Variants in ADGRL3 observed in about 807,000 individuals in gnomAD.
ADGRL3 encodes the protein adhesion G protein-coupled receptor L3.
A neutral mutation model predicts 153.5 loss-of-function variants in ADGRL3; 62 were observed. The ratio of observed to expected loss-of-function variants is 0.40; its 90% CI spans 0.33 to 0.50. The LOEUF (loss-of-function observed/expected upper bound fraction) is 0.50, where lower values mean the gene tolerates loss of function less well. Among genes scored for constraint, ADGRL3 ranks in the 20% least tolerant of loss-of-function variants. The pLI is 0.47. For missense variants in ADGRL3, 1,641 were observed against 1,859.4 expected, an observed-to-expected ratio of 0.88 and a Z score of 2.16; for synonymous variants, 710 against 672.5, an observed-to-expected ratio of 1.06 and a Z score of -0.86.
At chr4:61,600,307 C>CAAAAAAAAAAAA (rs60557691) in intron 5 of ADGRL3, among the ~76,000 whole-genome samples, 5 of 61,764 alleles carry the variant, frequency 8.1e-5, no homozygotes, top group Middle Eastern at 0.016. Context: ...GGCTGCCTTG[C>CAAAAAAAAAAAA]AAAAAAAAAA....
At chr4:61,398,695 A>ACT (rs1214024783) in intron 2 of ADGRL3, among the ~76,000 whole-genome samples, 1 of 145,428 alleles carries the variant, frequency 6.9e-6, no homozygotes, top group African/African-American at 2.5e-5. Flanking sequence ...AATGTCTTTC[A>ACT]CTCTCTCTCT....
At chr4:61,379,046 T>C (rs1208932753) in intron 1 of ADGRL3, among the ~76,000 whole-genome samples, 1 of 151,988 alleles carries the variant, frequency 6.6e-6, no homozygotes, top group Non-Finnish European at 1.5e-5. Context: ...TACACAGTGA[T>C]GAGGATTATG....
chr4:61,432,614 CTT>C (rs1560622953), intron 2 of ADGRL3, among the ~76,000 whole-genome samples: 1 of 70,714 alleles, frequency 1.4e-5, no homozygotes. Flanking sequence ...TTCTTTCTTT[CTT>C]TCTTTCTTTC....
At chr4:61,288,508 G>T (rs1429126962) in intron 1 of ADGRL3, among the ~76,000 whole-genome samples, 1 of 151,934 alleles carries the variant, frequency 6.6e-6, no homozygotes, top group Non-Finnish European at 1.5e-5. Flanking sequence ...AACACTCAAA[G>T]ATAGAATATA....
chr4:62,037,999 G>T, intron 24 of ADGRL3, 143 bp downstream of exon 24: 1 of 864,452 alleles, frequency 1.2e-6, no homozygotes, highest in Non-Finnish European at 1.7e-6. Context: ...GAATGATTCT[G>T]ACAGAAATGG....
chr4:61,220,678 T>G (rs1312514353), intron 1 of ADGRL3, among the ~76,000 whole-genome samples: 2 of 152,222 alleles, frequency 1.3e-5, no homozygotes, highest in Non-Finnish European at 2.9e-5. Context: ...AGATTGACAT[T>G]GCATTTTATA....
At chr4:61,403,214 T>C (rs531261644) in intron 2 of ADGRL3, among the ~76,000 whole-genome samples, 29 of 152,210 alleles carry the variant, frequency 1.9e-4, no homozygotes, top group Admixed American at 3.3e-4. Context: ...TTAGAATCTC[T>C]GAAGTGGCAA....
At chr4:61,874,884 C>G (rs892316849) in intron 9 of ADGRL3, among the ~76,000 whole-genome samples, 3 of 141,334 alleles carry the variant, frequency 2.1e-5, no homozygotes, top group Non-Finnish European at 4.5e-5. Context: ...TCTCGGCTCA[C>G]TGCAAGCTCC....
intron 8 of ADGRL3, among the ~76,000 whole-genome samples, chr4:61,773,299 A>G (rs1160113501): frequency 6.6e-6 from 1 of 152,232 alleles, no homozygotes; most frequent in Non-Finnish European, 1.5e-5. Flanking sequence ...GTAATATACT[A>G]AATCAAATAT....
At chr4:61,647,158 C>T (rs2094042771) in intron 5 of ADGRL3, among the ~76,000 whole-genome samples, 1 of 152,120 alleles carries the variant, frequency 6.6e-6, no homozygotes, top group Admixed American at 6.5e-5. Flanking sequence ...ACTGCACCCA[C>T]TGGCCTGCGC....
chr4:61,236,962 CT>C (rs1278603097), intron 1 of ADGRL3, among the ~76,000 whole-genome samples: 1 of 152,086 alleles, frequency 6.6e-6, no homozygotes, highest in Non-Finnish European at 1.5e-5. Flanking sequence ...ACATTAATAT[CT>C]TTTGCTCTGC....
chr4:61,643,085 T>G (rs2093768488), intron 5 of ADGRL3, among the ~76,000 whole-genome samples: 2 of 152,214 alleles, frequency 1.3e-5, no homozygotes, highest in African/African-American at 4.8e-5. Context: ...TTTGGCTCTC[T>G]GTTTGTCTGT....
chr4:61,646,732 TTGTC>T (rs1231222886), intron 5 of ADGRL3, among the ~76,000 whole-genome samples: 1 of 152,110 alleles, frequency 6.6e-6, no homozygotes, highest in Non-Finnish European at 1.5e-5. Context: ...GTCTTTTTGT[TTGTC>T]TGTGCCCTGC....
chr4:61,862,377 A>G (rs1199890484), intron 9 of ADGRL3, among the ~76,000 whole-genome samples: 1 of 152,208 alleles, frequency 6.6e-6, no homozygotes, highest in African/African-American at 2.4e-5. Flanking sequence ...AGATCAGCCA[A>G]ATCACAGGCA....
intron 1 of ADGRL3, chr4:61,212,275 CTGTT>C (rs926689305): frequency 1.3e-5 from 2 of 151,928 alleles, no homozygotes; most frequent in African/African-American, 2.4e-5. Context: ...ATCCATCCAT[CTGTT>C]TGAGACATCT....
intron 5 of ADGRL3, among the ~76,000 whole-genome samples, chr4:61,639,313 G>A (rs1227773510): frequency 6.6e-6 from 1 of 152,052 alleles, no homozygotes; most frequent in Non-Finnish European, 1.5e-5. Context: ...TTAGGTGTAA[G>A]ATATGAGTTT....
intron 8 of ADGRL3, among the ~76,000 whole-genome samples, chr4:61,785,112 GATAA>G (rs776441447): frequency 3.2e-4 from 48 of 152,166 alleles, no homozygotes; most frequent in African/African-American, 1.1e-3. Context: ...CTAGATAGGG[GATAA>G]ATAAATAAAG....
chr4:61,510,677 T>C (rs1177337825), intron 3 of ADGRL3, among the ~76,000 whole-genome samples: 3 of 152,214 alleles, frequency 2.0e-5, no homozygotes, highest in Non-Finnish European at 4.4e-5. Flanking sequence ...TAAGATAGTT[T>C]GACATTTGGC....
rs530512027 is a variant in ADGRL3 at position 62,037,271 on chromosome 4, C to T, written c.3592-460C>T. Among the ~76,000 whole-genome samples the T allele has an allele frequency of 6.6e-5, 10 of 152,178 alleles. No individual in the cohort carries two copies. The South Asian group carries it at 2.1e-3, about 32-fold the overall frequency. On this transcript the variant is annotated intron_variant, in intron 23 of 26. Coordinates refer to ENST00000683033, the MANE Select transcript of ADGRL3 (RefSeq NM_001387552.1). ...TTCTCTGATATTTCTCTCTCTCTCT[C>T]TTTCTCTCTCCCCCACTTCTTACCC...
Sources: allele counts gnomAD v4.1 joint callset (sites outside exome capture counted in the v4.1 genomes callset), GRCh38; gene constraint gnomAD v4.1.1; transcripts MANE v1.5; gene names NCBI Gene and HGNC (gene_info 2026-07-23, HGNC 2026-07-21).